STXBP4: variants seen among roughly 807,000 people sequenced by gnomAD.
STXBP4 encodes syntaxin-binding protein 4.
STXBP4 carries 55 observed loss-of-function variants against 76.1 expected under a neutral mutation model. The observed-to-expected ratio is 0.72, with a 90% CI of 0.58 to 0.91. STXBP4 has a LOEUF of 0.91. Among genes scored for constraint, STXBP4 ranks in the 40% least tolerant of loss-of-function variants. STXBP4 has a pLI of 0.00. For synonymous variants in STXBP4, 201 were observed against 220.2 expected (o/e 0.91, Z 0.77); for missense variants, 618 against 636.9 (o/e 0.97, Z 0.32).
At chr17:54,986,362 A>C (rs1012221805) in intron 3 of STXBP4, 96 bp downstream of exon 3, 2 of 887,152 alleles carry the variant, frequency 2.3e-6, no homozygotes, top group Non-Finnish European at 1.8e-6. Flanking sequence ...CTAGCTCTCT[A>C]ATGTGGTCTA....
chr17:55,192,789 G>C, the STXBP4 span, among the ~76,000 whole-genome samples: 1 of 152,190 alleles, frequency 6.6e-6, no homozygotes, highest in South Asian at 2.1e-4. Context: ...ACTTTCAGGG[G>C]ATCCAGCCAG....
In STXBP4 at chr17:55,134,520, A is replaced by C. The variant is rs188196136; in HGVS notation, c.1490-6790A>C. On this transcript the variant is annotated intron_variant, in intron 16 of 17. Coordinates refer to ENST00000376352, the MANE Select transcript of STXBP4 (RefSeq NM_178509.6). ...ATCCAAAACAATTATATATAACTTC[A>C]GAATTTCTGGAGAAATTGATGTATG... Among the ~76,000 whole-genome samples the C allele has an allele frequency of 1.8e-4, 28 of 152,282 alleles. No individual in the cohort carries two copies. In the East Asian group the frequency reaches 4.8e-3, roughly 26 times the overall value.
intron 16 of STXBP4, among the ~76,000 whole-genome samples, chr17:55,104,479 C>T (rs951594084): frequency 6.6e-6 from 1 of 152,200 alleles, no homozygotes; most frequent in South Asian, 2.1e-4. Context: ...ATGAAGCTGA[C>T]TTTATCGTGG....
intron 4 of STXBP4, 105 bp downstream of exon 4, chr17:54,991,062 T>C (rs2077709526): frequency 2.1e-5 from 26 of 1,228,628 alleles, no homozygotes; most frequent in Non-Finnish European, 2.7e-5. Flanking sequence ...ACTGTGACCA[T>C]ACCTCAGTGA....
intron 16 of STXBP4, among the ~76,000 whole-genome samples, chr17:55,094,662 A>T (rs769221346): frequency 1.3e-5 from 2 of 152,186 alleles, no homozygotes; most frequent in Non-Finnish European, 2.9e-5. Flanking sequence ...TGGATCTTAG[A>T]CTACCCCATG....
At chr17:55,058,697 G>A (rs2078962147) in intron 12 of STXBP4, among the ~76,000 whole-genome samples, 1 of 152,000 alleles carries the variant, frequency 6.6e-6, no homozygotes, top group Non-Finnish European at 1.5e-5. Context: ...TAGTCGATGG[G>A]CATTTGTTTT....
intron 16 of STXBP4, among the ~76,000 whole-genome samples, chr17:55,137,667 G>A (rs2080047536): frequency 6.6e-6 from 1 of 152,086 alleles, no homozygotes; most frequent in South Asian, 2.1e-4. Flanking sequence ...AGGGATAATA[G>A]CAGTACTTCT....
At chr17:55,008,305 G>A (rs532282560) in intron 8 of STXBP4, among the ~76,000 whole-genome samples, 2 of 151,812 alleles carry the variant, frequency 1.3e-5, no homozygotes, top group Non-Finnish European at 2.9e-5. Context: ...TTACATTTTA[G>A]GAAGAGTATA....
At chr17:55,107,960 C>T (rs924696533) in intron 16 of STXBP4, among the ~76,000 whole-genome samples, 36 of 152,198 alleles carry the variant, frequency 2.4e-4, no homozygotes, top group African/African-American at 8.2e-4. Flanking sequence ...CTGGGAGATC[C>T]GCTGCGCTCT....
intron 4 of STXBP4, among the ~76,000 whole-genome samples, chr17:54,998,487 G>A (rs554406554): frequency 1.3e-5 from 2 of 152,300 alleles, no homozygotes; most frequent in South Asian, 2.1e-4. Flanking sequence ...ATTAACTCTT[G>A]TTCCTGATAT....
At chr17:55,185,972 C>A in the STXBP4 span, among the ~76,000 whole-genome samples, 1 of 152,160 alleles carries the variant, frequency 6.6e-6, no homozygotes, top group African/African-American at 2.4e-5. Flanking sequence ...TGTGGAGGCA[C>A]CAGAGCATGA....
intron 17 of STXBP4, among the ~76,000 whole-genome samples, chr17:55,143,449 G>T (rs2080115980): frequency 6.6e-6 from 1 of 152,114 alleles, no homozygotes; most frequent in African/African-American, 2.4e-5. Context: ...TCTAACTAGT[G>T]CCTTAAGAGA....
At chr17:55,093,059 A>G (rs1033656952) in intron 16 of STXBP4, among the ~76,000 whole-genome samples, 67 of 152,008 alleles carry the variant, frequency 4.4e-4, no homozygotes, top group African/African-American at 1.3e-3. Context: ...CAGTGGCGCA[A>G]TCTCGGCTCA....
intron 15 of STXBP4, among the ~76,000 whole-genome samples, chr17:55,079,693 A>T (rs1038028496): frequency 1.3e-5 from 2 of 151,818 alleles, no homozygotes; most frequent in Non-Finnish European, 2.9e-5. Context: ...GCTGGAGCCC[A>T]GGAGCTCTAG....
chr17:55,201,340 GTTTTA>G, the STXBP4 span, among the ~76,000 whole-genome samples: 4 of 150,918 alleles, frequency 2.7e-5, no homozygotes, highest in Non-Finnish European at 3.0e-5. Context: ...TGAGTATTAT[GTTTTA>G]TTCAAACAAT....
intron 16 of STXBP4, among the ~76,000 whole-genome samples, chr17:55,105,317 G>A (rs1315515497): frequency 2.0e-5 from 3 of 151,958 alleles, no homozygotes; most frequent in South Asian, 2.1e-4. Context: ...ATTCTGGTAC[G>A]TTTTGTCTTT....
chr17:55,170,213 G>A lies in STXBP4; in HGVS notation c.*10302G>A, dbSNP rs1253625920. The A allele has an allele frequency of 3.9e-5, 6 of 152,058 alleles. No homozygotes were observed. Among genetic ancestry groups the A allele is most frequent in the African/African-American group, 1.4e-4 (6 of 41,400 alleles). The allele number at this position is 152,058 out of a possible 1,614,324, so 9.4% of individuals were successfully genotyped here. A position where few individuals can be genotyped will look rare whatever the true frequency, so the allele number is the denominator to read the frequency against. ...ACCAAAATAAAAAAATGCTTAAAAG[G>A]CTTATTAAAGCATGATTTAAAATAG... On this transcript the variant is annotated 3_prime_UTR_variant, in exon 18 of 18. Transcript: ENST00000376352.
chr17:55,199,591 G>C, the STXBP4 span, among the ~76,000 whole-genome samples: 1 of 152,204 alleles, frequency 6.6e-6, no homozygotes. Flanking sequence ...TGACAGGAAA[G>C]TGAATTCATC....
chr17:54,971,021 G>T (rs1161890466), intron 1 of STXBP4, among the ~76,000 whole-genome samples: 1 of 152,142 alleles, frequency 6.6e-6, no homozygotes, highest in Non-Finnish European at 1.5e-5. Flanking sequence ...AATGAAATGT[G>T]TAGAACATAA....
Sources: allele counts gnomAD v4.1 joint callset (sites outside exome capture counted in the v4.1 genomes callset), GRCh38; gene constraint gnomAD v4.1.1; transcripts MANE v1.5; gene names NCBI Gene and HGNC (gene_info 2026-07-23, HGNC 2026-07-21).